The following CDH13 variants were observed in gnomAD, a reference collection of about 807,000 sequenced individuals.
The protein encoded by CDH13 is cadherin 13, also known as cadherin-13.
In CDH13, 24 loss-of-function variants were observed where a neutral mutation model predicts 63.8. The ratio of observed to expected loss-of-function variants is 0.38; its 90% CI spans 0.27 to 0.53. The LOEUF is 0.53. CDH13 is among the 20% of genes least tolerant of loss of function. The pLI, the probability that CDH13 is intolerant of heterozygous loss-of-function variation, is 0.85. For synonymous variants in CDH13, 503 were observed against 355.3 expected, an observed-to-expected ratio of 1.42 and a Z score of -4.67; for missense variants, 1,049 against 903.1, an observed-to-expected ratio of 1.16 and a Z score of -2.07.
intron 4 of CDH13, among the ~76,000 whole-genome samples, chr16:83,191,466 T>TAGATATATATATATATATATGCAC (rs1567492931): frequency 8.6e-6 from 1 of 116,182 alleles, no homozygotes; most frequent in Non-Finnish European, 1.8e-5. Context: ...GAAATATATA[T>TAGATATATATATATATATATGCAC]ATATATATAT....
chr16:83,144,759 G>C (rs1452285769), intron 4 of CDH13, among the ~76,000 whole-genome samples: 4 of 152,216 alleles, frequency 2.6e-5, no homozygotes, highest in Non-Finnish European at 5.9e-5. Flanking sequence ...ACCTGGGCTG[G>C]GGATCCCAGA....
intron 2 of CDH13, among the ~76,000 whole-genome samples, chr16:82,925,103 G>C (rs1315723483): frequency 6.6e-6 from 1 of 152,074 alleles, no homozygotes; most frequent in East Asian, 1.9e-4. Context: ...CAGACTTCAT[G>C]CTGCAAGATT....
intron 4 of CDH13, among the ~76,000 whole-genome samples, chr16:83,147,551 G>C (rs2036803359): frequency 6.6e-6 from 1 of 152,134 alleles, no homozygotes; most frequent in Non-Finnish European, 1.5e-5. Context: ...TATCACAGCT[G>C]TCCTGTTATT....
At chr16:83,397,582 G>C (rs188921360) in intron 6 of CDH13, 1 of 152,320 alleles carries the variant, frequency 6.6e-6, no homozygotes, top group East Asian at 1.9e-4. Flanking sequence ...GAGCGTGCTG[G>C]TGTTGATCTG....
chr16:83,519,918 G>C (rs532953801), intron 7 of CDH13, among the ~76,000 whole-genome samples: 13 of 152,184 alleles, frequency 8.5e-5, no homozygotes, highest in African/African-American at 3.1e-4. Context: ...GAAATCTTCT[G>C]CTTGCTATGT....
Position 83,250,285 on chromosome 16 carries a change from T to C in CDH13, c.636+32788T>C, listed in dbSNP as rs556786490. Among the ~76,000 whole-genome samples, 177 of 152,336 alleles carry C rather than the reference T, an allele frequency of 1.2e-3. 1 individual carries two copies. Among genetic ancestry groups the C allele is most frequent in the African/African-American group, 4.0e-3 (168 of 41,588 alleles). On this transcript the variant is annotated intron_variant, in intron 5 of 13. Transcript: ENST00000567109. ...TCCTTTTTACTTTTTCATTCATTAA[T>C]TTAATATTCAAAGAACACCTGATTT...
intron 4 of CDH13, among the ~76,000 whole-genome samples, chr16:83,148,797 C>G (rs1330564425): frequency 6.6e-6 from 1 of 152,086 alleles, no homozygotes; most frequent in Admixed American, 6.5e-5. Context: ...AATATTTATC[C>G]TCAAAGACAC....
At chr16:83,122,519 C>T (rs2035627081) in intron 3 of CDH13, among the ~76,000 whole-genome samples, 1 of 152,044 alleles carries the variant, frequency 6.6e-6, no homozygotes, top group Non-Finnish European at 1.5e-5. Context: ...CAACAGTTGC[C>T]CCACTGATCA....
intron 11 of CDH13, among the ~76,000 whole-genome samples, chr16:83,779,471 C>A (rs573407824): frequency 2.5e-4 from 28 of 111,528 alleles, no homozygotes; most frequent in African/African-American, 8.4e-4. Context: ...TTGTAAACCA[C>A]TAAACTTTAT....
chr16:83,699,043 G>A (rs16961349), intron 10 of CDH13, among the ~76,000 whole-genome samples: 2,953 of 152,328 alleles, frequency 0.019, 104 homozygotes, highest in African/African-American at 0.068. Flanking sequence ...CTCTTTAGGG[G>A]AAGGCCTGAA....
At chr16:82,912,200 G>A (rs769811330) in intron 2 of CDH13, among the ~76,000 whole-genome samples, 40 of 77,628 alleles carry the variant, frequency 5.2e-4, no homozygotes, top group Non-Finnish European at 7.4e-4. Flanking sequence ...CTTCCCCTGA[G>A]ACATGTTCAA....
intron 4 of CDH13, among the ~76,000 whole-genome samples, chr16:83,195,004 C>T (rs1028373848): frequency 1.3e-5 from 2 of 152,174 alleles, no homozygotes; most frequent in Non-Finnish European, 2.9e-5. Context: ...TGAGAATATT[C>T]CAATAGAAAT....
At chr16:82,700,447 G>A (rs926140954) in intron 1 of CDH13, among the ~76,000 whole-genome samples, 1 of 152,040 alleles carries the variant, frequency 6.6e-6, no homozygotes, top group Non-Finnish European at 1.5e-5. Flanking sequence ...TACATAAGTG[G>A]ACATTAGCTT....
At chr16:83,148,048 C>A (rs567463110) in intron 4 of CDH13, among the ~76,000 whole-genome samples, 5 of 152,290 alleles carry the variant, frequency 3.3e-5, no homozygotes, top group African/African-American at 1.2e-4. Flanking sequence ...ATTGATTCTC[C>A]TGCCTCAGCC....
chr16:83,649,995 C>T (rs1912209228), intron 8 of CDH13, among the ~76,000 whole-genome samples: 1 of 152,182 alleles, frequency 6.6e-6, no homozygotes, highest in African/African-American at 2.4e-5. Context: ...TGAACACGTT[C>T]TAATTGGACA....
intron 10 of CDH13, among the ~76,000 whole-genome samples, chr16:83,683,862 G>A (rs1904278064): frequency 6.6e-6 from 1 of 152,148 alleles, no homozygotes; most frequent in Non-Finnish European, 1.5e-5. Context: ...TGATGTCACA[G>A]TTTAGAAAGT....
At chr16:83,423,763 C>A (rs1052824636) in intron 6 of CDH13, among the ~76,000 whole-genome samples, 1 of 152,166 alleles carries the variant, frequency 6.6e-6, no homozygotes, top group East Asian at 1.9e-4. Flanking sequence ...GTTGTGGGGA[C>A]TGCAAGATGT....
chr16:83,135,388 A>T (rs2036237288), intron 4 of CDH13, among the ~76,000 whole-genome samples: 1 of 152,158 alleles, frequency 6.6e-6, no homozygotes, highest in South Asian at 2.1e-4. Flanking sequence ...ACTCACACAA[A>T]TGGTCATTTG....
At chr16:83,437,427 G>C (rs1468319178) in intron 6 of CDH13, among the ~76,000 whole-genome samples, 1 of 152,130 alleles carries the variant, frequency 6.6e-6, no homozygotes, top group East Asian at 1.9e-4. Flanking sequence ...TGTAATCTCA[G>C]CGCTTTGAGA....
Sources: gnomAD v4.1 joint callset for allele counts (sites outside exome capture counted in the v4.1 genomes callset) on GRCh38, gnomAD v4.1.1 for gene constraint, MANE v1.5 for transcripts, NCBI Gene and HGNC (gene_info 2026-07-23, HGNC 2026-07-21) for gene names.